The following CRB1 variants were observed in gnomAD, a reference collection of about 807,000 sequenced individuals.
CRB1 encodes protein crumbs homolog 1.
A neutral mutation model predicts 120.0 loss-of-function variants in CRB1; 83 were observed. The observed-to-expected ratio is 0.69, with a 90% CI of 0.58 to 0.83. CRB1 has a LOEUF of 0.83. Among genes scored for constraint, CRB1 ranks in the 40% least tolerant of loss-of-function variants. CRB1 has a pLI of 0.00. For missense variants in CRB1, 1,699 were observed against 1,687.6 expected (o/e 1.01, Z -0.12); for synonymous variants, 625 against 612.5 (o/e 1.02, Z -0.30).
In CRB1 at chr1:197,420,998, A is replaced by G. The variant is rs2125468772; in HGVS notation, c.1172-2A>G. ...TTTTAGCCCTTTTTTATTATTTAAC[A>G]GGAATCCACTGCGAAGAAGACGTCA... is the stretch of plus-strand genomic sequence containing the variant. On this transcript the variant is annotated splice_acceptor_variant, in intron 5 of 11. Transcript: ENST00000367400. LOFTEE classifies it high-confidence loss of function. 2.6e-6 allele frequency: 4 copies of G among 1,509,454 alleles called. No homozygotes were observed. In the South Asian group the frequency reaches 4.5e-5, roughly 17 times the overall value. The allele number at this position is 1,509,454 out of a possible 1,614,324, so 93.5% of individuals were successfully genotyped here.
At chr1:197,428,843 A>T (rs1372433500) in intron 7 of CRB1, 1 of 861,766 alleles carries the variant, frequency 1.2e-6, no homozygotes, top group Admixed American at 2.9e-5. Flanking sequence ...CCTAAATCAT[A>T]TGTTAATAGT....
intron 11 of CRB1, among the ~76,000 whole-genome samples, chr1:197,467,251 G>A (rs780484745): frequency 2.6e-5 from 4 of 151,936 alleles, no homozygotes; most frequent in African/African-American, 7.3e-5. Context: ...CAACTAATGC[G>A]TGTAACTCTT....
chr1:197,369,752 TTTCTACCCCA>T (rs1661273757), intron 5 of CRB1, among the ~76,000 whole-genome samples: 1 of 152,136 alleles, frequency 6.6e-6, no homozygotes, highest in African/African-American at 2.4e-5. Flanking sequence ...TTCATGCAAT[TTTCTACCCCA>T]TTCTGAACTT....
intron 1 of CRB1, among the ~76,000 whole-genome samples, chr1:197,308,632 A>T (rs989314206): frequency 4.6e-5 from 7 of 152,196 alleles, no homozygotes; most frequent in African/African-American, 1.7e-4. Context: ...ATGCTTTGGC[A>T]TATCTTTTTG....
At chr1:197,221,588 C>T in the CRB1 span, among the ~76,000 whole-genome samples, 16 of 152,170 alleles carry the variant, frequency 1.1e-4, no homozygotes, top group African/African-American at 3.1e-4. Flanking sequence ...ATTTGCCTGA[C>T]GAATTTAAAA....
intron 1 of CRB1, among the ~76,000 whole-genome samples, chr1:197,309,318 A>T (rs1657370247): frequency 6.6e-6 from 1 of 152,146 alleles, no homozygotes; most frequent in Non-Finnish European, 1.5e-5. Context: ...GCTGACACAC[A>T]CACACACACA....
chr1:197,464,727 A>G (rs1478982946), intron 11 of CRB1, among the ~76,000 whole-genome samples: 1 of 152,108 alleles, frequency 6.6e-6, no homozygotes, highest in Non-Finnish European at 1.5e-5. Context: ...GATACCAAGT[A>G]TGAGACAAGA....
At chr1:197,392,999 G>A (rs1662586871) in intron 5 of CRB1, among the ~76,000 whole-genome samples, 1 of 152,004 alleles carries the variant, frequency 6.6e-6, no homozygotes, top group South Asian at 2.1e-4. Flanking sequence ...AATATATGTT[G>A]TATGAATGCA....
intron 1 of CRB1, among the ~76,000 whole-genome samples, chr1:197,280,906 G>C (rs139929398): frequency 6.6e-6 from 1 of 151,806 alleles, no homozygotes; most frequent in Non-Finnish European, 1.5e-5. Context: ...CAGTGAGATT[G>C]TATGTATGAC....
chr1:197,431,754 C>G (rs1664879280), intron 8 of CRB1, among the ~76,000 whole-genome samples: 1 of 152,128 alleles, frequency 6.6e-6, no homozygotes, highest in Non-Finnish European at 1.5e-5. Context: ...CTGACACCCC[C>G]AGAAAGTCCC....
At chr1:197,431,132 ATAG>A (rs1190214131) in intron 8 of CRB1, among the ~76,000 whole-genome samples, 1 of 152,122 alleles carries the variant, frequency 6.6e-6, no homozygotes, top group Admixed American at 6.6e-5. Context: ...GAACTAGAGG[ATAG>A]TTTGGCTTAA....
the CRB1 span, chr1:197,222,961 G>A: frequency 8.2e-6 from 7 of 858,666 alleles, no homozygotes; most frequent in South Asian, 9.2e-5. Context: ...CAGATAACAT[G>A]TACAATCTTT....
At chr1:197,404,482 G>T (rs1209740751) in intron 5 of CRB1, among the ~76,000 whole-genome samples, 10 of 140,410 alleles carry the variant, frequency 7.1e-5, no homozygotes, top group Non-Finnish European at 1.1e-4. Flanking sequence ...AGTGGAACTT[G>T]TCAGATGACG....
chr1:197,320,771 A>T (rs536480428), intron 1 of CRB1, among the ~76,000 whole-genome samples: 1 of 152,316 alleles, frequency 6.6e-6, no homozygotes, highest in East Asian at 1.9e-4. Flanking sequence ...TAAAAACTAA[A>T]TTATCATATC....
At chr1:197,403,514 A>G (rs1337913887) in intron 5 of CRB1, among the ~76,000 whole-genome samples, 1 of 152,196 alleles carries the variant, frequency 6.6e-6, no homozygotes, top group East Asian at 1.9e-4. Context: ...CAACCATCCT[A>G]TAACTTCAAA....
intron 1 of CRB1, among the ~76,000 whole-genome samples, chr1:197,322,852 C>T (rs1658284068): frequency 6.6e-6 from 1 of 152,048 alleles, no homozygotes; most frequent in Admixed American, 6.6e-5. Flanking sequence ...CTCTGTCTTC[C>T]TTTTCATTTG....
chr1:197,399,543 C>A (rs752922891), intron 5 of CRB1, among the ~76,000 whole-genome samples: 1 of 152,164 alleles, frequency 6.6e-6, no homozygotes, highest in Non-Finnish European at 1.5e-5. Context: ...ATGCTACTTT[C>A]CTCATCAAGT....
intron 5 of CRB1, among the ~76,000 whole-genome samples, chr1:197,390,200 G>T (rs895002608): frequency 6.6e-6 from 1 of 150,692 alleles, no homozygotes; most frequent in African/African-American, 2.4e-5. Flanking sequence ...GGGGTGGGGC[G>T]GGAAATATAC....
chr1:197,267,582 A>G (rs1175817966), upstream of CRB1, among the ~76,000 whole-genome samples: 4 of 152,240 alleles, frequency 2.6e-5, no homozygotes, highest in African/African-American at 9.6e-5. Flanking sequence ...AAAATAAAGC[A>G]TTCTGGTTTT....
Sources: gnomAD v4.1 joint callset for allele counts (sites outside exome capture counted in the v4.1 genomes callset) on GRCh38, gnomAD v4.1.1 for gene constraint, MANE v1.5 for transcripts, NCBI Gene and HGNC (gene_info 2026-07-23, HGNC 2026-07-21) for gene names.